The following GREB1L variants were observed in gnomAD, a reference collection of about 807,000 sequenced individuals.
The protein encoded by GREB1L is GREB1 like retinoic acid receptor coactivator, also known as GREB1-like protein.
GREB1L carries 17 observed loss-of-function variants against 200.8 expected under a neutral mutation model. The ratio of observed to expected loss-of-function variants is 0.08; its 90% CI spans 0.06 to 0.13. The LOEUF is 0.13. GREB1L is among the 10% of genes least tolerant of loss of function. The probability of loss-of-function intolerance (pLI) is 1.00; values close to 1 mark genes in which losing one functional copy is unlikely to be tolerated. For synonymous variants in GREB1L, 789 were observed against 893.0 expected, an observed-to-expected ratio of 0.88 and a Z score of 2.08; for missense variants, 1,657 against 2,367.7, an observed-to-expected ratio of 0.70 and a Z score of 6.23.
At chr18:21,390,416 G>A (rs761916819) in intron 4 of GREB1L, among the ~76,000 whole-genome samples, 1 of 152,178 alleles carries the variant, frequency 6.6e-6, no homozygotes, top group Non-Finnish European at 1.5e-5. Context: ...AGACCTTCCA[G>A]TAGGACAAGA....
intron 25 of GREB1L, among the ~76,000 whole-genome samples, chr18:21,506,381 T>TG (rs2037022568): frequency 6.7e-6 from 1 of 148,246 alleles, no homozygotes; most frequent in African/African-American, 2.5e-5. Context: ...GGTGACAGAG[T>TG]GGGACTCCGT....
intron 1 of GREB1L, among the ~76,000 whole-genome samples, chr18:21,279,125 C>A (rs2038224143): frequency 6.6e-6 from 1 of 151,982 alleles, no homozygotes; most frequent in Non-Finnish European, 1.5e-5. Flanking sequence ...CAAATCCCTT[C>A]CTTGTTTAAA....
chr18:21,351,936 CT>C (rs2039439297), intron 1 of GREB1L, among the ~76,000 whole-genome samples: 1 of 151,950 alleles, frequency 6.6e-6, no homozygotes, highest in African/African-American at 2.4e-5. Flanking sequence ...CAAGCTCCGC[CT>C]CCCGGATTCA....
At chr18:21,441,637 A>T (rs558480182) in intron 10 of GREB1L, 100 bp downstream of exon 10, 3 of 1,102,446 alleles carry the variant, frequency 2.7e-6, no homozygotes, top group African/African-American at 1.6e-5. Flanking sequence ...ATATTCATCC[A>T]TCTGTTGATT....
chr18:21,284,541 A>G lies in GREB1L; in HGVS notation c.-120+42148A>G, dbSNP rs1323639889. On this transcript the variant is annotated intron_variant, in intron 1 of 32. Transcript: ENST00000424526. The stretch of plus-strand genomic sequence containing the variant: ...CCAAATGCTACTCCATTGCATGATT[A>G]TACCACATTTTGTTTATTCTTCATC... Among the ~76,000 whole-genome samples, 4 of 152,300 alleles carry G rather than the reference A, an allele frequency of 2.6e-5. No individual in the cohort carries two copies. In the East Asian group the frequency reaches 5.8e-4, roughly 22 times the overall value.
intron 2 of GREB1L, among the ~76,000 whole-genome samples, chr18:21,374,825 CA>C (rs2040006781): frequency 6.7e-6 from 1 of 149,526 alleles, no homozygotes; most frequent in South Asian, 2.1e-4. Flanking sequence ...TATACTTAAT[CA>C]AAAGGGGAAC....
intron 25 of GREB1L, 92 bp downstream of exon 25, chr18:21,506,041 A>T: frequency 7.8e-7 from 1 of 1,277,368 alleles, no homozygotes; most frequent in Non-Finnish European, 1.1e-6. Context: ...TAAGGCCCCT[A>T]GTTTCAGGCC....
chr18:21,358,928 C>A (rs575171382), intron 1 of GREB1L, among the ~76,000 whole-genome samples: 2 of 152,124 alleles, frequency 1.3e-5, no homozygotes, highest in Non-Finnish European at 2.9e-5. Flanking sequence ...TTACTGAATT[C>A]GTTTATTAGT....
intron 19 of GREB1L, among the ~76,000 whole-genome samples, chr18:21,490,848 A>C (rs2036305972): frequency 6.6e-6 from 1 of 152,110 alleles, no homozygotes; most frequent in Non-Finnish European, 1.5e-5. Context: ...GCCCTCTTGC[A>C]TGTGGATTCC....
At chr18:21,391,697 A>G (rs529848511) in intron 4 of GREB1L, among the ~76,000 whole-genome samples, 1 of 152,348 alleles carries the variant, frequency 6.6e-6, no homozygotes, top group Non-Finnish European at 1.5e-5. Flanking sequence ...GTCTCTTATA[A>G]TAGTGTGTAA....
chr18:21,263,861 A>G (rs2037926118), intron 1 of GREB1L, among the ~76,000 whole-genome samples: 3 of 152,206 alleles, frequency 2.0e-5, no homozygotes, highest in Non-Finnish European at 4.4e-5. Context: ...GTCATTTTTC[A>G]TAAGACAAGA....
chr18:21,281,097 T>C (rs1230616758), intron 1 of GREB1L, among the ~76,000 whole-genome samples: 1 of 152,238 alleles, frequency 6.6e-6, no homozygotes, highest in Non-Finnish European at 1.5e-5. Context: ...AGGGAAGGTA[T>C]AGTTGCCTGC....
intron 1 of GREB1L, among the ~76,000 whole-genome samples, chr18:21,268,560 C>CACACATATATATAT (rs1204514384): frequency 6.3e-5 from 4 of 63,534 alleles, no homozygotes; most frequent in African/African-American, 7.5e-5. Flanking sequence ...CACACACACA[C>CACACATATATATAT]ATATATATAT....
In GREB1L at chr18:21,500,744, C is replaced by G. The variant is rs1467493937; in HGVS notation, c.4072+102C>G. On this transcript the variant is annotated intron_variant, in intron 23 of 32. Coordinates refer to ENST00000424526, the MANE Select transcript of GREB1L (RefSeq NM_001142966.3). ...TTGGCTTCTGGGATTTCTACAGTAC[C>G]TAACCTGCAGAGTTATTGGGAGGCT... 12 of 777,630 alleles carry G rather than the reference C, an allele frequency of 1.5e-5. No homozygotes were observed. The East Asian group carries it at 2.2e-4, about 14-fold the overall frequency. The allele number at this position is 777,630 out of a possible 1,614,324, so 48.2% of individuals were successfully genotyped here.
At chr18:21,399,276 G>A (rs1425276618) in intron 5 of GREB1L, among the ~76,000 whole-genome samples, 1 of 152,152 alleles carries the variant, frequency 6.6e-6, no homozygotes, top group Non-Finnish European at 1.5e-5. Flanking sequence ...CTACTTCACA[G>A]GTCAGGCAGT....
At chr18:21,510,213 CAAAA>C (rs57710844) in intron 27 of GREB1L, among the ~76,000 whole-genome samples, 2 of 84,126 alleles carry the variant, frequency 2.4e-5, no homozygotes, top group African/African-American at 4.4e-5. Flanking sequence ...AAACTGTCTC[CAAAA>C]AAAAAAAAAA....
At chr18:21,445,969 T>C (rs553522898) in intron 11 of GREB1L, among the ~76,000 whole-genome samples, 2 of 152,328 alleles carry the variant, frequency 1.3e-5, no homozygotes, top group East Asian at 1.9e-4. Flanking sequence ...AGTGATGATA[T>C]AGCCAACCAA....
At chr18:21,286,180 A>C (rs1432996003) in intron 1 of GREB1L, among the ~76,000 whole-genome samples, 1 of 152,238 alleles carries the variant, frequency 6.6e-6, no homozygotes, top group Non-Finnish European at 1.5e-5. Flanking sequence ...CGAGGACCAC[A>C]CTTTCAGAAG....
chr18:21,251,585 A>C (rs2143947225), intron 1 of GREB1L, among the ~76,000 whole-genome samples: 1 of 152,360 alleles, frequency 6.6e-6, no homozygotes, highest in Non-Finnish European at 1.5e-5. Context: ...GTAAAGCAAG[A>C]ACCATAAATA....
Sources: gnomAD v4.1 joint callset for allele counts (sites outside exome capture counted in the v4.1 genomes callset) on GRCh38, gnomAD v4.1.1 for gene constraint, MANE v1.5 for transcripts, NCBI Gene and HGNC (gene_info 2026-07-23, HGNC 2026-07-21) for gene names.